STON1: variants seen among roughly 807,000 people sequenced by gnomAD.
STON1 encodes the protein stonin 1, also known as stonin-1.
Under a neutral mutation model 60.9 loss-of-function variants are expected in STON1, and 79 were observed. The observed-to-expected ratio is 1.30, with a 90% confidence interval of 1.08 to 1.56. STON1 has a LOEUF of 1.56. Ranked by LOEUF, STON1 falls within the 40% of genes most tolerant of loss-of-function variation. The pLI is 0.00. For missense variants in STON1, 1,166 were observed against 858.9 expected (o/e 1.36, Z -4.47); for synonymous variants, 363 against 306.9 (o/e 1.18, Z -1.91).
chr2:48,537,886 A>T (rs1247073741), intron 1 of STON1, among the ~76,000 whole-genome samples: 1 of 151,218 alleles, frequency 6.6e-6, no homozygotes, highest in East Asian at 1.9e-4. Flanking sequence ...AAAAAAAAGG[A>T]AATTGTTCTT....
At chr2:48,593,068 T>G (rs1674615393) in intron 3 of STON1, among the ~76,000 whole-genome samples, 1 of 152,188 alleles carries the variant, frequency 6.6e-6, no homozygotes, top group Non-Finnish European at 1.5e-5. Flanking sequence ...CTGCCACATA[T>G]TTCCCACAGT....
chr2:48,568,183 T>C (rs974502128), intron 1 of STON1, among the ~76,000 whole-genome samples: 6 of 152,086 alleles, frequency 3.9e-5, no homozygotes, highest in African/African-American at 1.4e-4. Flanking sequence ...GATGATGCCT[T>C]CCTGAGCTCT....
intron 1 of STON1, among the ~76,000 whole-genome samples, chr2:48,555,461 C>A (rs1374648779): frequency 3.0e-5 from 3 of 99,738 alleles, no homozygotes; most frequent in African/African-American, 7.7e-5. Context: ...TGACCCCCCC[C>A]ACCTCCCTCC....
intron 1 of STON1, among the ~76,000 whole-genome samples, chr2:48,537,383 T>G (rs1169035481): frequency 4.6e-5 from 7 of 152,236 alleles, no homozygotes; most frequent in Middle Eastern, 3.2e-3. Context: ...TATGAGATGA[T>G]CATTTTTTCT....
Position 48,596,336 on chromosome 2 carries a change from T to C in STON1, c.*1034T>C, listed in dbSNP as rs1674780910. 1 of 152,206 alleles carries C rather than the reference T, an allele frequency of 6.6e-6. No individual in the cohort carries two copies. The highest frequency in any genetic ancestry group is 1.5e-5 in the Non-Finnish European group (1 of 68,022). The allele number at this position is 152,206 out of a possible 1,614,324, so 9.4% of individuals were successfully genotyped here. A position where few individuals can be genotyped will look rare whatever the true frequency, so the allele number is the denominator to read the frequency against. On this transcript the variant is annotated 3_prime_UTR_variant, in exon 4 of 4. Transcript: ENST00000404752. ...TTACCCAGATTTCTAAGTGGCAACA[T>C]TTTTATTCTTCAGAGTCAGGTAAAT...
intron 1 of STON1, among the ~76,000 whole-genome samples, chr2:48,571,564 A>G (rs1287529966): frequency 6.6e-6 from 1 of 152,202 alleles, no homozygotes; most frequent in Non-Finnish European, 1.5e-5. Flanking sequence ...CTTGGATTCC[A>G]GGGTCTCAAA....
chr2:48,533,559 A>G (rs1298688867), intron 1 of STON1, among the ~76,000 whole-genome samples: 1 of 146,978 alleles, frequency 6.8e-6, no homozygotes, highest in East Asian at 2.1e-4. Context: ...GTGTGGTGGC[A>G]GGCACCTATA....
intron 1 of STON1, among the ~76,000 whole-genome samples, chr2:48,558,143 A>G (rs1672460733): frequency 1.3e-5 from 2 of 152,210 alleles, no homozygotes; most frequent in African/African-American, 4.8e-5. Context: ...GAATCGCTTG[A>G]ACCCGGGAGG....
At chr2:48,540,045 G>C (rs1313963173) in intron 1 of STON1, among the ~76,000 whole-genome samples, 3 of 152,098 alleles carry the variant, frequency 2.0e-5, no homozygotes, top group African/African-American at 7.2e-5. Flanking sequence ...AGGTATTTAG[G>C]CCTCTTGCTG....
Position 48,575,760 on chromosome 2 carries a change from T to G in STON1, c.-47-4827T>G, listed in dbSNP as rs1673455219. Among the ~76,000 whole-genome samples, 6 of 70,148 alleles carry G rather than the reference T, an allele frequency of 8.6e-5. 1 individual carries two copies. In the South Asian group the frequency reaches 1.8e-3, roughly 21 times the overall value. 46.0% of individuals were successfully genotyped at this position (70,148 alleles called of 152,430 possible). ...TAGTTCTATTTTTAGTTTTTGTTTG[T>G]TTTTTTTTTTTTTTTGAGATGCAGT... On this transcript the variant is annotated intron_variant, in intron 1 of 3. Coordinates refer to ENST00000404752, the MANE Select transcript of STON1 (RefSeq NM_006873.4).
At chr2:48,584,270 A>ATAT (rs959862101) in intron 2 of STON1, among the ~76,000 whole-genome samples, 41 of 151,600 alleles carry the variant, frequency 2.7e-4, no homozygotes, top group Admixed American at 5.9e-4. Flanking sequence ...AAACCTGGCT[A>ATAT]TATTATTATT....
intron 3 of STON1, 86 bp downstream of exon 3, chr2:48,591,941 T>C: frequency 5.3e-6 from 8 of 1,509,730 alleles, no homozygotes; most frequent in Non-Finnish European, 7.1e-6. Flanking sequence ...ATGTGTTGTG[T>C]GTGTGTGTAT....
At chr2:48,544,105 GT>G (rs1459386072) in intron 1 of STON1, among the ~76,000 whole-genome samples, 2 of 152,154 alleles carry the variant, frequency 1.3e-5, no homozygotes, top group Non-Finnish European at 2.9e-5. Flanking sequence ...CTCAGAACAT[GT>G]TGCTTTTTGC....
Position 48,580,983 on chromosome 2 carries a change from C to T in STON1, c.350C>T (p.Ser117Leu). The T allele has an allele frequency of 6.4e-7, 1 of 1,574,616 alleles. No homozygotes were observed. The highest frequency in any genetic ancestry group is 8.6e-7 in the Non-Finnish European group (1 of 1,164,250). Reference sequence around the variant, plus strand: ...TCTTCAGACAGCCCACTCGCAATATCAGGAGGAGAATCTTCCTTACTGCCT... The same window carrying T: ...TCTTCAGACAGCCCACTCGCAATATTAGGAGGAGAATCTTCCTTACTGCCT... The part of the protein sequence containing the change: ...ESSSDSPLAI[S>L]GGESSLLPTR... The change falls in exon 2 of 4, where the codon TCA (serine) becomes TTA (leucine). Residue 117 changes from serine to leucine, a missense_variant. Physicochemically the swap from Ser to Leu is moderately radical, Grantham distance 145 (BLOSUM62 -2). Transcript: ENST00000404752.
chr2:48,584,478 G>C (rs965719214), intron 2 of STON1, among the ~76,000 whole-genome samples: 6 of 151,956 alleles, frequency 3.9e-5, no homozygotes, highest in African/African-American at 1.5e-4. Flanking sequence ...ATGTTGGCCA[G>C]ACTGGTCTTG....
chr2:48,564,473 CTTCTTCTTTCTTCTTCTT>C lies in STON1; in HGVS notation c.-47-16113_-47-16096del, dbSNP rs1558604606. On this transcript the variant is annotated intron_variant, in intron 1 of 3. Transcript: ENST00000404752. The stretch of plus-strand genomic sequence containing the variant: ...TCTTCTTCTTCTTCTTCTTCTTCTT[CTTCTTCTTTCTTCTTCTT>C]CTTCTTCTTCTTCTTCTTCTTCTTC... Among the ~76,000 whole-genome samples the C allele has an allele frequency of 3.1e-4, 16 of 51,704 alleles. 1 individual carries two copies. The highest frequency in any genetic ancestry group is 1.1e-3 in the African/African-American group (15 of 13,118). 33.9% of individuals were successfully genotyped at this position (51,704 alleles called of 152,430 possible).
chr2:48,589,735 TGTGA>T (rs1300404471), intron 2 of STON1, among the ~76,000 whole-genome samples: 1 of 152,216 alleles, frequency 6.6e-6, no homozygotes, highest in Admixed American at 6.5e-5. Context: ...TCTTATAAAG[TGTGA>T]GTATCAAATC....
chr2:48,544,198 G>GTGTC (rs55650737), intron 1 of STON1, among the ~76,000 whole-genome samples: 26,356 of 151,896 alleles, frequency 0.17, 3,055 homozygotes, highest in South Asian at 0.41. Context: ...GTGTGTGTGT[G>GTGTC]TGTCTGTCTG....
intron 1 of STON1, among the ~76,000 whole-genome samples, chr2:48,554,513 G>A (rs1672229283): frequency 1.3e-5 from 2 of 152,136 alleles, no homozygotes; most frequent in Admixed American, 6.5e-5. Context: ...GTGAGCCATT[G>A]CGCCCGGCCT....
Sources: gnomAD v4.1 joint callset for allele counts (sites outside exome capture counted in the v4.1 genomes callset) on GRCh38, gnomAD v4.1.1 for gene constraint, MANE v1.5 for transcripts, NCBI Gene and HGNC (gene_info 2026-07-23, HGNC 2026-07-21) for gene names.